Variants in GRID2 observed in about 807,000 individuals in gnomAD.
GRID2 encodes the protein glutamate ionotropic receptor delta type subunit 2, also known as glutamate receptor ionotropic, delta-2.
GRID2 carries 33 observed loss-of-function variants against 114.8 expected under a neutral mutation model. The observed-to-expected ratio is 0.29, with a 90% CI of 0.22 to 0.38. The LOEUF is 0.38. Ranked by LOEUF, GRID2 falls within the 10% of genes least tolerant of loss-of-function variation. The pLI, the probability that GRID2 is intolerant of heterozygous loss-of-function variation, is 1.00. For synonymous variants in GRID2, 505 were observed against 449.9 expected (o/e 1.12, Z -1.55); for missense variants, 1,184 against 1,257.7 (o/e 0.94, Z 0.89).
chr4:92,539,251 G>A (rs1041069049), intron 1 of GRID2, among the ~76,000 whole-genome samples: 20 of 152,038 alleles, frequency 1.3e-4, no homozygotes, highest in Admixed American at 1.0e-3. Flanking sequence ...TTTGTTTCTA[G>A]ACTTGAAACT....
At chr4:93,230,008 A>G (rs1009562831) in intron 7 of GRID2, among the ~76,000 whole-genome samples, 8 of 152,120 alleles carry the variant, frequency 5.3e-5, no homozygotes, top group Non-Finnish European at 1.0e-4. Context: ...TAGTTTTAAA[A>G]ATATTGAGTC....
At chr4:93,242,140 T>C (rs1289713545) in intron 8 of GRID2, among the ~76,000 whole-genome samples, 4 of 151,930 alleles carry the variant, frequency 2.6e-5, no homozygotes, top group Non-Finnish European at 5.9e-5. Flanking sequence ...AAGAAAATTA[T>C]TAATAAATTG....
At chr4:92,427,621 G>A (rs1195336907) in intron 1 of GRID2, among the ~76,000 whole-genome samples, 3 of 152,042 alleles carry the variant, frequency 2.0e-5, no homozygotes, top group Non-Finnish European at 4.4e-5. Context: ...ATCATGATAA[G>A]GAGATGACTT....
chr4:92,581,362 T>G (rs1474101421), intron 1 of GRID2, among the ~76,000 whole-genome samples: 5 of 152,152 alleles, frequency 3.3e-5, no homozygotes, highest in African/African-American at 1.2e-4. Context: ...TTTTAAAAAT[T>G]AACCTCTTAC....
chr4:92,466,954 G>A (rs373059402), intron 1 of GRID2, among the ~76,000 whole-genome samples: 6 of 151,492 alleles, frequency 4.0e-5, no homozygotes, highest in African/African-American at 1.5e-4. Context: ...TCGAATTAAC[G>A]GTGTAGAGAG....
Position 93,136,362 on chromosome 4 carries a change from T to C in GRID2, c.735+25409T>C, listed in dbSNP as rs116682872. Among the ~76,000 whole-genome samples the C allele has an allele frequency of 8.0e-3, 1,223 of 152,028 alleles. 7 individuals carry two copies. The highest frequency in any genetic ancestry group is 0.012 in the Non-Finnish European group (844 of 67,980). Reference sequence around the variant, plus strand: ...GGTAAGACAGTGGACTTTCTAGTAGTGATACTGTTATTCTTTGACTGAAAA... The same window carrying C: ...GGTAAGACAGTGGACTTTCTAGTAGCGATACTGTTATTCTTTGACTGAAAA... On this transcript the variant is annotated intron_variant, in intron 4 of 15. Transcript: ENST00000282020.
At chr4:93,348,220 T>G (rs1329663638) in intron 8 of GRID2, among the ~76,000 whole-genome samples, 1 of 152,304 alleles carries the variant, frequency 6.6e-6, no homozygotes, top group Non-Finnish European at 1.5e-5. Context: ...AGTTATTTTA[T>G]ATAACACAAG....
intron 1 of GRID2, among the ~76,000 whole-genome samples, chr4:92,585,260 TAAA>T (rs1355819281): frequency 6.6e-6 from 1 of 151,942 alleles, no homozygotes; most frequent in Non-Finnish European, 1.5e-5. Flanking sequence ...TCTCTGTTGT[TAAA>T]AAGAAAATAA....
rs552694532 is a variant in GRID2 at position 93,730,202 on chromosome 4, A to T, written c.2361-39008A>T. ...GGTTACAAGTGGTAGTGAAATTCAT[A>T]GGAGAGAATAAATCTCTTAGGAAGA... is the stretch of plus-strand genomic sequence containing the variant. On this transcript the variant is annotated intron_variant, in intron 14 of 15. Coordinates refer to ENST00000282020, the MANE Select transcript of GRID2 (RefSeq NM_001510.4). 7.2e-5 allele frequency among the ~76,000 whole-genome samples: 11 copies of T among 152,348 alleles called. No individual in the cohort carries two copies. The South Asian group carries it at 2.3e-3, about 32-fold the overall frequency.
intron 1 of GRID2, among the ~76,000 whole-genome samples, chr4:92,348,490 G>A (rs1364560524): frequency 6.6e-6 from 1 of 152,152 alleles, no homozygotes; most frequent in Non-Finnish European, 1.5e-5. Flanking sequence ...CCTGAGGCAT[G>A]TTTGAATTTA....
At chr4:93,159,564 AAAAG>A (rs1411171395) in intron 4 of GRID2, among the ~76,000 whole-genome samples, 1 of 151,822 alleles carries the variant, frequency 6.6e-6, no homozygotes, top group African/African-American at 2.4e-5. Context: ...CTGATATAGT[AAAAG>A]AAAGATTACT....
chr4:92,656,533 A>T (rs978324481), intron 2 of GRID2, among the ~76,000 whole-genome samples: 1 of 151,716 alleles, frequency 6.6e-6, no homozygotes, highest in Non-Finnish European at 1.5e-5. Flanking sequence ...AGTTTGTGAA[A>T]TTGGTCTGTA....
chr4:93,557,098 ATATGGAGAGG>A (rs1387495501), intron 13 of GRID2, among the ~76,000 whole-genome samples: 2 of 152,200 alleles, frequency 1.3e-5, no homozygotes, highest in Non-Finnish European at 2.9e-5. Context: ...GAAGCACTAC[ATATGGAGAGG>A]AAAAAACGGT....
intron 2 of GRID2, among the ~76,000 whole-genome samples, chr4:92,606,250 A>G (rs1487013455): frequency 6.6e-6 from 1 of 152,018 alleles, no homozygotes; most frequent in Middle Eastern, 3.2e-3. Context: ...ATCACATCCA[A>G]TGAACTGTTG....
At chr4:93,801,828 A>C (rs948070466) in intron 1 of GRID2, among the ~76,000 whole-genome samples, 1 of 152,230 alleles carries the variant, frequency 6.6e-6, no homozygotes, top group Non-Finnish European at 1.5e-5. Flanking sequence ...AATTTGGTTA[A>C]ACTAATCAAT....
At chr4:93,703,497 ATTT>A (rs151280717) in intron 14 of GRID2, among the ~76,000 whole-genome samples, 19 of 151,286 alleles carry the variant, frequency 1.3e-4, no homozygotes, top group Non-Finnish European at 1.8e-4. Context: ...GATCGTATTT[ATTT>A]TTTTTTATAT....
At chr4:93,602,981 G>A (rs528628173) in intron 13 of GRID2, among the ~76,000 whole-genome samples, 56 of 152,252 alleles carry the variant, frequency 3.7e-4, no homozygotes, top group East Asian at 5.8e-4. Context: ...AGGCCGAGGC[G>A]GGCAAATCAC....
intron 13 of GRID2, among the ~76,000 whole-genome samples, chr4:93,616,900 C>CAG (rs10655866): frequency 0.053 from 7,987 of 150,536 alleles, 710 homozygotes; most frequent in African/African-American, 0.18. Context: ...GAGGCTGAGG[C>CAG]GAGAATGGCG....
chr4:92,577,394 A>G (rs2149198824), intron 1 of GRID2, among the ~76,000 whole-genome samples: 1 of 152,354 alleles, frequency 6.6e-6, no homozygotes, highest in African/African-American at 2.4e-5. Context: ...GTCAACTGTT[A>G]TCACCAAGGA....
Sources: allele counts gnomAD v4.1 joint callset (sites outside exome capture counted in the v4.1 genomes callset), GRCh38; gene constraint gnomAD v4.1.1; transcripts MANE v1.5; gene names NCBI Gene and HGNC (gene_info 2026-07-23, HGNC 2026-07-21).